The following NXN variants were observed in gnomAD, a reference collection of about 807,000 sequenced individuals.
The protein encoded by NXN is nucleoredoxin 1.
A neutral mutation model predicts 48.6 loss-of-function variants in NXN; 16 were observed. The observed-to-expected ratio is 0.33, with a 90% CI of 0.22 to 0.50. NXN has a LOEUF of 0.50. Ranked by LOEUF, NXN falls within the 20% of genes least tolerant of loss-of-function variation. The pLI, the probability that NXN is intolerant of heterozygous loss-of-function variation, is 0.98. For missense variants in NXN, 492 were observed against 605.5 expected (o/e 0.81, Z 1.97); for synonymous variants, 281 against 269.6 (o/e 1.04, Z -0.41).
At chr17:841,009 G>C (rs2062710936) in intron 1 of NXN, among the ~76,000 whole-genome samples, 1 of 152,186 alleles carries the variant, frequency 6.6e-6, no homozygotes, top group Non-Finnish European at 1.5e-5. Flanking sequence ...TGCCGGCACA[G>C]GAGCAGATGG....
Position 806,921 on chromosome 17 carries a change from T to TAC in NXN, c.821-1676_821-1675dup, listed in dbSNP as rs5818767. Among the ~76,000 whole-genome samples the TAC allele has an allele frequency of 5.0e-3, 735 of 148,280 alleles. 3 individuals are homozygous for TAC. The highest frequency in any genetic ancestry group is 0.022 in the Middle Eastern group (6 of 278). On this transcript the variant is annotated intron_variant, in intron 5 of 7. Coordinates refer to ENST00000336868, the MANE Select transcript of NXN (RefSeq NM_022463.5). ...CACTCCGACATCACACACACTCACA[T>TAC]ACACACACACACACACACACACACA...
intron 1 of NXN, among the ~76,000 whole-genome samples, chr17:948,652 A>G (rs1406077934): frequency 6.6e-6 from 1 of 151,990 alleles, no homozygotes; most frequent in Admixed American, 6.6e-5. Flanking sequence ...TGCTTCACGG[A>G]ACAAACGCTT....
chr17:955,880 C>T (rs1234569209), intron 1 of NXN, among the ~76,000 whole-genome samples: 4 of 147,348 alleles, frequency 2.7e-5, no homozygotes, highest in Non-Finnish European at 4.5e-5. Context: ...CCAGCCTGGG[C>T]GACAGAGCGA....
At chr17:812,608 T>C (rs866612951) in intron 5 of NXN, among the ~76,000 whole-genome samples, 4 of 151,354 alleles carry the variant, frequency 2.6e-5, no homozygotes, top group Non-Finnish European at 4.4e-5. Context: ...CGAGTGTGCA[T>C]TGTGTGAGTG....
chr17:948,117 T>A (rs1344439555), intron 1 of NXN, among the ~76,000 whole-genome samples: 1 of 151,830 alleles, frequency 6.6e-6, no homozygotes, highest in Non-Finnish European at 1.5e-5. Flanking sequence ...AAATAAAAAA[T>A]AAAATACAAC....
intron 1 of NXN, among the ~76,000 whole-genome samples, chr17:902,110 G>C (rs983801909): frequency 2.0e-5 from 3 of 152,150 alleles, no homozygotes; most frequent in African/African-American, 7.2e-5. Flanking sequence ...AATACCCTCG[G>C]GTGTTTGTCC....
intron 1 of NXN, chr17:863,892 G>T: frequency 1.5e-6 from 2 of 1,321,240 alleles, no homozygotes; most frequent in Non-Finnish European, 2.1e-6. Context: ...CTTACACAGA[G>T]CTCTGTAGAG....
At chr17:976,092 G>A (rs1201320988) in intron 1 of NXN, among the ~76,000 whole-genome samples, 1 of 152,002 alleles carries the variant, frequency 6.6e-6, no homozygotes, top group Non-Finnish European at 1.5e-5. Flanking sequence ...TGTTTTGGAA[G>A]CCAAAAAAAT....
At chr17:851,981 GTGGAAAAAGC>G (rs1208668804) in intron 1 of NXN, among the ~76,000 whole-genome samples, 5 of 152,310 alleles carry the variant, frequency 3.3e-5, no homozygotes, top group African/African-American at 2.4e-5. Context: ...GAAATGGAGA[GTGGAAAAAGC>G]TGGAAAAAGC....
intron 1 of NXN, among the ~76,000 whole-genome samples, chr17:935,613 C>T (rs1469377837): frequency 6.6e-6 from 1 of 152,182 alleles, no homozygotes. Context: ...GTTTACTGAG[C>T]GTCTACTGTG....
intron 1 of NXN, chr17:878,135 G>A (rs139309321): frequency 0.013 from 1,977 of 152,328 alleles, 56 homozygotes; most frequent in African/African-American, 0.045. Flanking sequence ...ATTGCACAGC[G>A]TGGGGGCAGG....
chr17:971,128 T>C (rs559934472), intron 1 of NXN, among the ~76,000 whole-genome samples: 1 of 152,050 alleles, frequency 6.6e-6, no homozygotes, highest in South Asian at 2.1e-4. Flanking sequence ...GTATTTTAAG[T>C]AGAGACAGGG....
intron 1 of NXN, among the ~76,000 whole-genome samples, chr17:963,396 A>G (rs1567522175): frequency 6.6e-6 from 1 of 152,034 alleles, no homozygotes; most frequent in African/African-American, 2.4e-5. Context: ...TGAGGCCAGG[A>G]GTTCGAGACC....
intron 1 of NXN, among the ~76,000 whole-genome samples, chr17:926,275 C>T (rs1392503346): frequency 6.6e-6 from 1 of 152,176 alleles, no homozygotes; most frequent in African/African-American, 2.4e-5. Context: ...CAGCCTCAAC[C>T]TCCCGGGCTC....
At chr17:859,671 TGCTCTGGG>T (rs987264636) in intron 1 of NXN, among the ~76,000 whole-genome samples, 6 of 152,280 alleles carry the variant, frequency 3.9e-5, no homozygotes, top group African/African-American at 1.4e-4. Flanking sequence ...ATCCCAGATC[TGCTCTGGG>T]GACACCACAG....
chr17:833,877 G>A (rs1348510869), intron 1 of NXN, among the ~76,000 whole-genome samples: 1 of 152,108 alleles, frequency 6.6e-6, no homozygotes, highest in East Asian at 1.9e-4. Context: ...TAACAGTGAA[G>A]AGCGGGTGAT....
rs1913047813 is a variant in NXN, at chr17:825,422, G to GTGGA, written c.478+538_478+539insTCCA. 6.5e-6 allele frequency: 1 copy of GTGGA among 154,636 alleles called. No individual in the cohort carries two copies. Among genetic ancestry groups the GTGGA allele is most frequent in the South Asian group, 2.0e-4 (1 of 5,010 alleles). 9.6% of individuals were successfully genotyped at this position (154,636 alleles called of 1,614,324 possible). On this transcript the variant is annotated intron_variant, in intron 2 of 7. Coordinates refer to ENST00000336868, the MANE Select transcript of NXN (RefSeq NM_022463.5). The surrounding 1 kb of genome is among the most constrained non-coding windows in gnomAD (Gnocchi z 4.1). ...TCACTGCCAGAGGGAAAGACGCCACGCGGACGGCCCTGAGCGGGGCGGCTG... is the reference window on the plus strand; with the variant it reads ...TCACTGCCAGAGGGAAAGACGCCACGTGGACGGACGGCCCTGAGCGGGGCGGCTG...
In NXN at chr17:958,523, A is replaced by G. The variant is rs1442830229; in HGVS notation, c.360+20796T>C. On this transcript the variant is annotated intron_variant, in intron 1 of 7. Coordinates refer to ENST00000336868, the MANE Select transcript of NXN (RefSeq NM_022463.5). The surrounding 1 kb of genome is among the most constrained non-coding windows in gnomAD (Gnocchi z 6.9). ...AAAATTAGCTCACTCCTATCATCCC[A>G]GCACTTTGGGAGGCCGAAGCGGGTG... Among the ~76,000 whole-genome samples, 1 of 152,128 alleles carries G rather than the reference A, an allele frequency of 6.6e-6. No individual in the cohort carries two copies. Among genetic ancestry groups the G allele is most frequent in the Non-Finnish European group, 1.5e-5 (1 of 68,028 alleles).
At chr17:868,928 C>T (rs893064453) in intron 1 of NXN, among the ~76,000 whole-genome samples, 4 of 152,320 alleles carry the variant, frequency 2.6e-5, no homozygotes, top group East Asian at 1.9e-4. Flanking sequence ...AAGGAAACCT[C>T]GGAAATCCCT....
Sources: allele counts gnomAD v4.1 joint callset (sites outside exome capture counted in the v4.1 genomes callset), GRCh38; gene constraint gnomAD v4.1.1; non-coding constraint Gnocchi (gnomAD v3.1); transcripts MANE v1.5; gene names NCBI Gene and HGNC (gene_info 2026-07-23, HGNC 2026-07-21).